Variants in F5 observed in about 807,000 individuals in gnomAD.
The protein encoded by F5 is activated protein c cofactor.
Under a neutral mutation model 216.4 loss-of-function variants are expected in F5, and 138 were observed. The observed-to-expected ratio is 0.64, with a 90% CI of 0.56 to 0.73. The LOEUF is 0.73. Among genes scored for constraint, F5 ranks in the 30% least tolerant of loss-of-function variants. The probability of loss-of-function intolerance (pLI) is 0.00; values close to 1 mark genes in which losing one functional copy is unlikely to be tolerated. For missense variants in F5, 2,403 were observed against 2,674.0 expected, an observed-to-expected ratio of 0.90 and a Z score of 2.24; for synonymous variants, 916 against 930.7, an observed-to-expected ratio of 0.98 and a Z score of 0.29.
At chr1:169,545,230 A>G (rs948823144) in intron 11 of F5, among the ~76,000 whole-genome samples, 2 of 152,222 alleles carry the variant, frequency 1.3e-5, no homozygotes, top group African/African-American at 2.4e-5. Flanking sequence ...TTATTAGTTT[A>G]TACCTCATTC....
Position 169,513,248 on chromosome 1 carries a change from A to C in F5, c.*1065T>G, listed in dbSNP as rs1571553864. 6.6e-6 allele frequency among the ~76,000 whole-genome samples: 1 copy of C among 151,980 alleles called. No homozygotes were observed. Among genetic ancestry groups the C allele is most frequent in the Non-Finnish European group, 1.5e-5 (1 of 67,976 alleles). ...AGTAACAAATCCATAATCTCACATA[A>C]ATTTTTTTTGGTTGCTCTTTTAACA... On this transcript the variant is annotated 3_prime_UTR_variant, in exon 25 of 25. Coordinates refer to ENST00000367797, the MANE Select transcript of F5 (RefSeq NM_000130.5).
chr1:169,554,234 T>C (rs1660257987), intron 7 of F5, among the ~76,000 whole-genome samples: 1 of 152,372 alleles, frequency 6.6e-6, no homozygotes, highest in South Asian at 2.1e-4. Flanking sequence ...AATACCTTTA[T>C]GTCTTACAAA....
At chr1:169,581,754 G>C (rs1189094661) in intron 2 of F5, among the ~76,000 whole-genome samples, 1 of 152,154 alleles carries the variant, frequency 6.6e-6, no homozygotes, top group Non-Finnish European at 1.5e-5. Context: ...ATTCAACCCA[G>C]TCTTCTTGAT....
chr1:169,516,399 C>T (rs1456552777), intron 23 of F5, among the ~76,000 whole-genome samples: 3 of 152,154 alleles, frequency 2.0e-5, no homozygotes, highest in Non-Finnish European at 4.4e-5. Context: ...CTACCATAAC[C>T]TCATTCAATT....
At chr1:169,546,007 C>G (rs920593908) in intron 11 of F5, among the ~76,000 whole-genome samples, 5 of 152,184 alleles carry the variant, frequency 3.3e-5, no homozygotes, top group Admixed American at 3.3e-4. Flanking sequence ...GGTCCCTATA[C>G]TCATTTTGCT....
intron 9 of F5, 119 bp downstream of exon 9, chr1:169,550,521 T>A: frequency 1.3e-6 from 1 of 771,618 alleles, no homozygotes; most frequent in East Asian, 2.6e-5. Flanking sequence ...TTTAGGATAC[T>A]CCTACATGTA....
chr1:169,523,338 C>T lies in F5; in HGVS notation c.5907G>A (p.Lys1969=). The T allele has an allele frequency of 6.2e-7, 1 of 1,614,002 alleles. No individual in the cohort carries two copies. Among genetic ancestry groups the T allele is most frequent in the Non-Finnish European group, 8.5e-7 (1 of 1,179,942 alleles). The change falls in exon 21 of 25, where the codon AAG becomes AAA. Residue 1969 remains lysine, a synonymous_variant. Transcript: ENST00000367797. ...TCTGGATCCCTGTGATTATGACTTC[C>T]TTTTGCATGTCCACCTGCAATATAG... ...SKPWIQVDMQ[K]EVIITGIQTQ... is the part of the protein sequence containing the mutation.
intron 22 of F5, among the ~76,000 whole-genome samples, chr1:169,519,126 T>G (rs778255505): frequency 1.3e-5 from 2 of 152,182 alleles, no homozygotes; most frequent in Non-Finnish European, 2.9e-5. Context: ...GACCTGTGAC[T>G]GTAAGAAACA....
chr1:169,530,770 C>T lies in F5; in HGVS notation c.5208+16G>A. 6.2e-7 allele frequency: 1 copy of T among 1,610,308 alleles called. No individual in the cohort carries two copies. The highest frequency in any genetic ancestry group is 8.5e-7 in the Non-Finnish European group (1 of 1,176,692). Reference sequence around the variant, plus strand: ...AGGTTAGGGGAATGAGAAAAACTTTCAATGAAAGTACCTACTGGGTTCACA... The same window carrying T: ...AGGTTAGGGGAATGAGAAAAACTTTTAATGAAAGTACCTACTGGGTTCACA... On this transcript the variant is annotated intron_variant, in intron 15 of 24. Transcript: ENST00000367797.
chr1:169,583,588 T>C lies in F5; in HGVS notation c.159-1066A>G, dbSNP rs548866308. ...AAATCTCCTTCACAGAATTGTTGTA[T>C]AATTTTAAATAAGTTGATATGTGCA... On this transcript the variant is annotated intron_variant, in intron 1 of 24. Coordinates refer to ENST00000367797, the MANE Select transcript of F5 (RefSeq NM_000130.5). 1.6e-4 allele frequency among the ~76,000 whole-genome samples: 25 copies of C among 152,366 alleles called. No individual in the cohort carries two copies. The South Asian group carries it at 5.2e-3, about 32-fold the overall frequency.
At chr1:169,517,933 T>C (rs1659195648) in intron 23 of F5, among the ~76,000 whole-genome samples, 1 of 152,198 alleles carries the variant, frequency 6.6e-6, no homozygotes. Flanking sequence ...TTATCACTAA[T>C]GTAAGCTGTC....
In F5 at chr1:169,541,733, C is replaced by G; in HGVS notation, c.3357G>C (p.Gln1119His). ...GATAGTGTTCCTCTGGGGGCACTGT[C>G]TGATAAAGACCTGGAGGACAGCTTG... ...GQASCPPGLY[Q>H]TVPPEEHYQT... The change falls in exon 13 of 25, where the codon CAG (glutamine) becomes CAC (histidine). Residue 1119 changes from glutamine to histidine, a missense_variant. By Grantham distance (24) the Gln-to-His change is conservative. Transcript: ENST00000367797. The G allele has an allele frequency of 1.2e-6, 2 of 1,613,982 alleles. No individual in the cohort carries two copies. The highest frequency in any genetic ancestry group is 1.7e-6 in the Non-Finnish European group (2 of 1,179,992).
At chr1:169,577,591 ATATATATATATATGTATG>A (rs1163017892) in intron 2 of F5, among the ~76,000 whole-genome samples, 4 of 110,296 alleles carry the variant, frequency 3.6e-5, no homozygotes, top group African/African-American at 8.6e-5. Flanking sequence ...ATATATATAT[ATATATATATATATGTATG>A]TATTTTTTTA....
chr1:169,529,718 A>G lies in F5; in HGVS notation c.5309T>C (p.Val1770Ala). ...SNMPMDMREFVLLFMTFDEKK... is the reference protein window; with the variant it reads ...SNMPMDMREFALLFMTFDEKK... ...TTCATCAAAGGTCATAAATAGTAAG[A>G]CAAATTCTCTCATGTCCATAGGCAT... The change falls in exon 16 of 25, where the codon GTC becomes GCC. Residue 1770 changes from valine to alanine, a missense_variant. By Grantham distance (64) the Val-to-Ala change is moderately conservative. Coordinates refer to ENST00000367797, the MANE Select transcript of F5 (RefSeq NM_000130.5). 1 of 1,613,808 alleles carries G rather than the reference A, an allele frequency of 6.2e-7. No homozygotes were observed. Among genetic ancestry groups the G allele is most frequent in the Non-Finnish European group, 8.5e-7 (1 of 1,179,800 alleles).
At chr1:169,518,621 T>G in intron 22 of F5, 58 bp from the exon 23 acceptor site, 2 of 1,550,690 alleles carry the variant, frequency 1.3e-6, no homozygotes, top group Non-Finnish European at 8.9e-7. Context: ...CATGGCTTCA[T>G]GCACTGCAGA....
At chr1:169,573,402 A>G (rs1165273047) in intron 2 of F5, among the ~76,000 whole-genome samples, 1 of 151,930 alleles carries the variant, frequency 6.6e-6, no homozygotes, top group African/African-American at 2.4e-5. Flanking sequence ...GGAAGCAGAG[A>G]GATTAGGCAG....
Position 169,560,582 on chromosome 1 carries a change from C to A in F5, c.558G>T (p.Leu186=). The change falls in exon 4 of 25, where the codon CTG becomes CTT. Residue 186 remains leucine (L), a synonymous_variant. Transcript: ENST00000367797. The part of the protein sequence containing the change: ...ENLIEDFNSG[L]IGPLLICKKG... ...TTTTACAGATAAGCAGGGGCCCAAT[C>A]AGCCCCGAGTTGAAATCCTCGATCA... 1 of 1,613,692 alleles carries A rather than the reference C, an allele frequency of 6.2e-7. No homozygotes were observed. Among genetic ancestry groups the A allele is most frequent in the Non-Finnish European group, 8.5e-7 (1 of 1,179,734 alleles).
chr1:169,514,547 C>G (rs1659115041), intron 24 of F5, 88 bp from the exon 25 acceptor site: 1 of 1,186,684 alleles, frequency 8.4e-7, no homozygotes, highest in African/African-American at 1.5e-5. Flanking sequence ...GGGTCTTATT[C>G]TGTTGCCCAG....
rs199629447 is a variant in F5 at position 169,514,350 on chromosome 1, G to A, written c.6638C>T (p.Ala2213Val). ...VIPKTWNQSI[A>V]LRLELFGCDI... ...ACAGCCAAAGAGTTCCAGGCGAAGT[G>A]CAATACTTTGATTCCATGTTTTAGG... The change falls in exon 25 of 25, where the codon GCA becomes GTA. Residue 2213 changes from alanine (A) to valine (V), a missense_variant. Coordinates refer to ENST00000367797, the MANE Select transcript of F5 (RefSeq NM_000130.5). The A allele has an allele frequency of 6.2e-7, 1 of 1,613,304 alleles. No individual in the cohort carries two copies. The highest frequency in any genetic ancestry group is 1.3e-5 in the African/African-American group (1 of 74,962).
Sources: allele counts gnomAD v4.1 joint callset (sites outside exome capture counted in the v4.1 genomes callset), GRCh38; gene constraint gnomAD v4.1.1; transcripts MANE v1.5; gene names NCBI Gene and HGNC (gene_info 2026-07-23, HGNC 2026-07-21).